CAMK4: variants seen among roughly 807,000 people sequenced by gnomAD.
CAMK4 encodes the protein calcium/calmodulin dependent protein kinase IV, also known as calcium/calmodulin-dependent protein kinase type IV.
Under a neutral mutation model 44.9 loss-of-function variants are expected in CAMK4, and 22 were observed. The observed-to-expected ratio is 0.49, with a 90% CI of 0.35 to 0.70. CAMK4 has a LOEUF of 0.70. Ranked by LOEUF, CAMK4 falls within the 30% of genes least tolerant of loss-of-function variation. The pLI, the probability that CAMK4 is intolerant of heterozygous loss-of-function variation, is 0.01. For missense variants in CAMK4, 498 were observed against 586.8 expected, an observed-to-expected ratio of 0.85 and a Z score of 1.56; for synonymous variants, 218 against 215.4, an observed-to-expected ratio of 1.01 and a Z score of -0.11.
intron 1 of CAMK4, among the ~76,000 whole-genome samples, chr5:111,341,577 T>C (rs973377842): frequency 2.0e-5 from 3 of 151,196 alleles, no homozygotes; most frequent in Non-Finnish European, 4.4e-5. Flanking sequence ...AAAATTACAC[T>C]AGGAATACAC....
At chr5:111,335,476 A>G (rs1035372473) in intron 1 of CAMK4, among the ~76,000 whole-genome samples, 2 of 151,262 alleles carry the variant, frequency 1.3e-5, no homozygotes, top group Non-Finnish European at 3.0e-5. Context: ...ATAAAATTAA[A>G]CCAATTTATC....
intron 1 of CAMK4, among the ~76,000 whole-genome samples, chr5:111,263,550 T>C (rs1750090077): frequency 6.6e-6 from 1 of 152,236 alleles, no homozygotes; most frequent in South Asian, 2.1e-4. Flanking sequence ...ATTTCATCTC[T>C]ACCCTAATCC....
In CAMK4 at chr5:111,432,593, C is replaced by A. The variant is rs148022405; in HGVS notation, c.460-14093C>A. Among the ~76,000 whole-genome samples the A allele has an allele frequency of 8.8e-3, 1,309 of 148,640 alleles. 20 individuals are homozygous for A. Among genetic ancestry groups the A allele is most frequent in the African/African-American group, 0.03 (1,224 of 40,342 alleles). On this transcript the variant is annotated intron_variant, in intron 5 of 10. Coordinates refer to ENST00000282356, the MANE Select transcript of CAMK4 (RefSeq NM_001744.6). ...TTCACATTGCATGCTTGTATCAAAA[C>A]ATCTCATGTACCTCATATATATGTG...
intron 1 of CAMK4, among the ~76,000 whole-genome samples, chr5:111,325,712 T>G (rs1232260042): frequency 6.6e-6 from 1 of 152,106 alleles, no homozygotes; most frequent in East Asian, 1.9e-4. Context: ...CTTCGCCCAC[T>G]TTTTGATGGG....
At chr5:111,336,489 G>C (rs558784959) in intron 1 of CAMK4, among the ~76,000 whole-genome samples, 1 of 150,278 alleles carries the variant, frequency 6.7e-6, no homozygotes, top group Non-Finnish European at 1.5e-5. Flanking sequence ...TTATTTTTTT[G>C]AGAAACTGTT....
At chr5:111,416,035 C>T (rs1039388600) in intron 5 of CAMK4, among the ~76,000 whole-genome samples, 1 of 151,948 alleles carries the variant, frequency 6.6e-6, no homozygotes, top group African/African-American at 2.4e-5. Context: ...GGAACCAATC[C>T]CTCAGGGATA....
intron 4 of CAMK4, among the ~76,000 whole-genome samples, chr5:111,384,543 C>T (rs1230861074): frequency 1.3e-5 from 2 of 152,142 alleles, no homozygotes; most frequent in Non-Finnish European, 2.9e-5. Context: ...GTCCCATTAG[C>T]ACCTCTAAAT....
intron 1 of CAMK4, among the ~76,000 whole-genome samples, chr5:111,240,427 C>T (rs1047611768): frequency 2.6e-5 from 4 of 152,104 alleles, no homozygotes; most frequent in Non-Finnish European, 4.4e-5. Context: ...TACTATTAGC[C>T]ATACCTAAAA....
intron 2 of CAMK4, among the ~76,000 whole-genome samples, chr5:111,360,428 G>A (rs923588269): frequency 4.6e-5 from 7 of 152,052 alleles, no homozygotes; most frequent in Non-Finnish European, 7.4e-5. Flanking sequence ...CAGATCATGT[G>A]CTCACTGGCT....
rs564287829 is a variant in CAMK4 at position 111,488,897 on chromosome 5, C to T, written c.*4431C>T. ...TATTCAGTCATGTTGTCTAGATTTA[C>T]TTTAGATGGTGCAAAATTTCCAGAT... On this transcript the variant is annotated 3_prime_UTR_variant, in exon 11 of 11. Coordinates refer to ENST00000282356, the MANE Select transcript of CAMK4 (RefSeq NM_001744.6). 1 of 152,208 alleles carries T rather than the reference C, an allele frequency of 6.6e-6. No individual in the cohort carries two copies. The highest frequency in any genetic ancestry group is 2.1e-4 in the South Asian group (1 of 4,814). 9.4% of individuals were successfully genotyped at this position (152,208 alleles called of 1,614,324 possible).
chr5:111,266,410 A>G (rs1207169774), intron 1 of CAMK4, among the ~76,000 whole-genome samples: 7 of 152,176 alleles, frequency 4.6e-5, no homozygotes, highest in Middle Eastern at 3.4e-3. Context: ...TTTTTGGTGT[A>G]TTTTACTATT....
At chr5:111,460,421 A>C (rs1220590217) in intron 7 of CAMK4, among the ~76,000 whole-genome samples, 2 of 151,574 alleles carry the variant, frequency 1.3e-5, no homozygotes, top group Non-Finnish European at 1.5e-5. Flanking sequence ...ACAAGCGCAC[A>C]CTGCCACACC....
At position 111,486,539 on chromosome 5, in the gene CAMK4, ACACG is replaced by A. The variant is rs1755634149; in HGVS notation, c.*2074_*2077del. ...CACACACACACACACACACACACAC[ACACG>A]TGTTGGAAGAGCAAAGAGAGGGAAG... On this transcript the variant is annotated 3_prime_UTR_variant, in exon 11 of 11. Coordinates refer to ENST00000282356, the MANE Select transcript of CAMK4 (RefSeq NM_001744.6). 7.3e-6 allele frequency: 1 copy of A among 136,306 alleles called. No individual in the cohort carries two copies. Among genetic ancestry groups the A allele is most frequent in the African/African-American group, 2.9e-5 (1 of 35,046 alleles). The allele number at this position is 136,306 out of a possible 1,614,324, so 8.4% of individuals were successfully genotyped here.
At chr5:111,367,390 C>G (rs1031905272) in intron 2 of CAMK4, among the ~76,000 whole-genome samples, 2 of 151,960 alleles carry the variant, frequency 1.3e-5, no homozygotes, top group African/African-American at 2.4e-5. Flanking sequence ...GGCCCTACCT[C>G]TTAATACTGA....
At chr5:111,401,266 G>A (rs1353299822) in intron 5 of CAMK4, among the ~76,000 whole-genome samples, 6 of 152,136 alleles carry the variant, frequency 3.9e-5, no homozygotes, top group Non-Finnish European at 8.8e-5. Flanking sequence ...AGCCTCCCAA[G>A]TAGCCGGGAT....
intron 7 of CAMK4, among the ~76,000 whole-genome samples, chr5:111,454,145 T>A (rs928039684): frequency 1.3e-5 from 2 of 152,182 alleles, no homozygotes; most frequent in South Asian, 4.1e-4. Flanking sequence ...ACTTTGAACT[T>A]GAAAAAGTGT....
chr5:111,453,764 G>A (rs1055329520), intron 7 of CAMK4, among the ~76,000 whole-genome samples: 2 of 152,198 alleles, frequency 1.3e-5, no homozygotes, highest in Non-Finnish European at 2.9e-5. Flanking sequence ...ACAGGAGAAA[G>A]GGAAAGTTTA....
At chr5:111,471,094 T>TCA (rs1755048234) in intron 7 of CAMK4, among the ~76,000 whole-genome samples, 1 of 152,260 alleles carries the variant, frequency 6.6e-6, no homozygotes, top group African/African-American at 2.4e-5. Context: ...TTATCTCCTG[T>TCA]AACAATTGTT....
At chr5:111,319,173 G>T (rs1406711128) in intron 1 of CAMK4, among the ~76,000 whole-genome samples, 1 of 152,162 alleles carries the variant, frequency 6.6e-6, no homozygotes, top group African/African-American at 2.4e-5. Flanking sequence ...TGTGCAATAT[G>T]CTCTGTAATG....
Sources: allele counts gnomAD v4.1 joint callset (sites outside exome capture counted in the v4.1 genomes callset), GRCh38; gene constraint gnomAD v4.1.1; transcripts MANE v1.5; gene names NCBI Gene and HGNC (gene_info 2026-07-23, HGNC 2026-07-21).